Variants in SLC9A9 observed in about 807,000 individuals in gnomAD.
The protein encoded by SLC9A9 is sodium/hydrogen exchanger 9.
SLC9A9 carries 62 observed loss-of-function variants against 77.8 expected under a neutral mutation model. The observed-to-expected ratio is 0.80, with a 90% CI of 0.65 to 0.98. SLC9A9 has a LOEUF of 0.98. Ranked by LOEUF, SLC9A9 falls within the 50% of genes least tolerant of loss-of-function variation. The pLI is 0.00. For synonymous variants in SLC9A9, 320 were observed against 283.5 expected, an observed-to-expected ratio of 1.13 and a Z score of -1.29; for missense variants, 775 against 774.9, an observed-to-expected ratio of 1.00 and a Z score of 0.00.
intron 4 of SLC9A9, among the ~76,000 whole-genome samples, chr3:143,777,976 C>T (rs576153672): frequency 1.5e-5 from 2 of 129,984 alleles, no homozygotes; most frequent in African/African-American, 5.8e-5. Flanking sequence ...GCCTCCCAAA[C>T]TGCTGGGATT....
intron 4 of SLC9A9, among the ~76,000 whole-genome samples, chr3:143,751,511 C>G (rs2006715642): frequency 6.6e-6 from 1 of 152,154 alleles, no homozygotes; most frequent in African/African-American, 2.4e-5. Context: ...CCAGTTTAGA[C>G]AGCTCTGAAG....
At chr3:143,314,175 T>C (rs999968467) in intron 14 of SLC9A9, 1 of 152,270 alleles carries the variant, frequency 6.6e-6, no homozygotes, top group African/African-American at 2.4e-5. Context: ...GATGGCACTT[T>C]GCTAGCACAT....
chr3:143,799,968 C>T (rs775069630), intron 2 of SLC9A9, among the ~76,000 whole-genome samples: 27 of 152,276 alleles, frequency 1.8e-4, no homozygotes, highest in Non-Finnish European at 3.4e-4. Context: ...CTTAAAACTC[C>T]CAACTCTGGT....
At chr3:143,704,095 G>T (rs1410726935) in intron 4 of SLC9A9, among the ~76,000 whole-genome samples, 1 of 152,116 alleles carries the variant, frequency 6.6e-6, no homozygotes, top group East Asian at 1.9e-4. Flanking sequence ...ATGTCTCCCA[G>T]TAAAGAAAAG....
intron 4 of SLC9A9, among the ~76,000 whole-genome samples, chr3:143,724,440 G>A (rs1934586080): frequency 6.6e-6 from 1 of 152,180 alleles, no homozygotes; most frequent in Admixed American, 6.5e-5. Flanking sequence ...ATAGCAGTGT[G>A]AGAATGGACT....
chr3:143,480,874 C>T (rs568933971), intron 11 of SLC9A9, among the ~76,000 whole-genome samples: 177 of 152,168 alleles, frequency 1.2e-3, no homozygotes, highest in Admixed American at 2.0e-3. Flanking sequence ...ACAAAGGATT[C>T]CTGACAGTGT....
At chr3:143,728,292 G>A (rs1934713769) in intron 4 of SLC9A9, among the ~76,000 whole-genome samples, 1 of 152,172 alleles carries the variant, frequency 6.6e-6, no homozygotes, top group African/African-American at 2.4e-5. Flanking sequence ...GAGATGGAGG[G>A]AATGGGAGGA....
chr3:143,676,495 T>C (rs1932894070), intron 5 of SLC9A9, among the ~76,000 whole-genome samples: 1 of 151,916 alleles, frequency 6.6e-6, no homozygotes, highest in Non-Finnish European at 1.5e-5. Flanking sequence ...TCCCAGTAAT[T>C]TGGGAGGCTG....
intron 14 of SLC9A9, among the ~76,000 whole-genome samples, chr3:143,324,839 AT>A (rs1406799502): frequency 6.6e-6 from 1 of 152,086 alleles, no homozygotes; most frequent in Admixed American, 6.5e-5. Flanking sequence ...ACAGTAGCTT[AT>A]TTCCTAGCAA....
intron 12 of SLC9A9, among the ~76,000 whole-genome samples, chr3:143,465,809 C>T (rs2035271393): frequency 6.6e-6 from 1 of 152,204 alleles, no homozygotes. Context: ...TTGCAAGTCA[C>T]ATTTATGTGC....
intron 8 of SLC9A9, among the ~76,000 whole-genome samples, chr3:143,561,245 GA>G (rs1186135393): frequency 6.6e-6 from 1 of 152,098 alleles, no homozygotes; most frequent in African/African-American, 2.4e-5. Context: ...AGATTATTTA[GA>G]AATAGGATAA....
chr3:143,290,174 T>C (rs1293570126), intron 14 of SLC9A9, among the ~76,000 whole-genome samples: 1 of 152,078 alleles, frequency 6.6e-6, no homozygotes, highest in African/African-American at 2.4e-5. Context: ...TTGTCAAAAC[T>C]AGGACAGAGT....
intron 5 of SLC9A9, among the ~76,000 whole-genome samples, chr3:143,659,276 A>G (rs1370504319): frequency 6.6e-6 from 1 of 152,074 alleles, no homozygotes; most frequent in East Asian, 1.9e-4. Context: ...ATCAAACACC[A>G]AAAAAAATCA....
intron 7 of SLC9A9, 96 bp from the exon 8 acceptor site, chr3:143,574,289 G>T (rs1559974598): frequency 8.0e-6 from 8 of 1,006,008 alleles, no homozygotes; most frequent in Non-Finnish European, 1.2e-5. Context: ...GATAGCTCTA[G>T]AGCAAAGTAA....
At chr3:143,591,338 A>G (rs2037640687) in intron 6 of SLC9A9, among the ~76,000 whole-genome samples, 1 of 152,266 alleles carries the variant, frequency 6.6e-6, no homozygotes, top group Non-Finnish European at 1.5e-5. Context: ...TGTATTTCAC[A>G]AAGGTAGTTG....
At chr3:143,600,524 A>T (rs1250589277) in intron 6 of SLC9A9, among the ~76,000 whole-genome samples, 1 of 152,222 alleles carries the variant, frequency 6.6e-6, no homozygotes, top group Non-Finnish European at 1.5e-5. Flanking sequence ...ATATTAACAC[A>T]TGGGTAAGTT....
At chr3:143,441,485 C>G (rs2034733545) in intron 12 of SLC9A9, among the ~76,000 whole-genome samples, 1 of 152,202 alleles carries the variant, frequency 6.6e-6, no homozygotes, top group South Asian at 2.1e-4. Flanking sequence ...AGACATTGGT[C>G]TCTCTACTTT....
intron 12 of SLC9A9, among the ~76,000 whole-genome samples, chr3:143,446,200 G>A (rs1276850336): frequency 2.0e-5 from 3 of 152,114 alleles, no homozygotes; most frequent in Non-Finnish European, 4.4e-5. Context: ...AATAAGTAGA[G>A]AGGATATGAT....
At chr3:143,660,382 G>A (rs190932174) in intron 5 of SLC9A9, among the ~76,000 whole-genome samples, 6 of 152,308 alleles carry the variant, frequency 3.9e-5, no homozygotes, top group African/African-American at 1.4e-4. Flanking sequence ...AAAACCTCTT[G>A]GAGCCAAGCA....
Sources: allele counts gnomAD v4.1 joint callset (sites outside exome capture counted in the v4.1 genomes callset), GRCh38; gene constraint gnomAD v4.1.1; transcripts MANE v1.5; gene names NCBI Gene and HGNC (gene_info 2026-07-23, HGNC 2026-07-21).